Variants in SPOCK1 observed in about 807,000 individuals in gnomAD.
The protein encoded by SPOCK1 is testican-1.
In SPOCK1, 23 loss-of-function variants were observed where a neutral mutation model predicts 55.3. The observed-to-expected ratio is 0.42, with a 90% CI of 0.30 to 0.59. The LOEUF (loss-of-function observed/expected upper bound fraction) is 0.59, where lower values mean the gene tolerates loss of function less well. Among genes scored for constraint, SPOCK1 ranks in the 20% least tolerant of loss-of-function variants. SPOCK1 has a pLI of 0.22. For synonymous variants in SPOCK1, 226 were observed against 221.0 expected (o/e 1.02, Z -0.20); for missense variants, 499 against 552.5 (o/e 0.90, Z 0.97).
chr5:137,386,382 C>CA, intron 2 of SPOCK1, among the ~76,000 whole-genome samples: 1 of 152,158 alleles, frequency 6.6e-6, no homozygotes, highest in East Asian at 1.9e-4. Context: ...CTAAAGTTTA[C>CA]ATGAAGAGGC....
At chr5:137,063,254 AAAAG>A (rs1290484150) in intron 6 of SPOCK1, among the ~76,000 whole-genome samples, 1 of 151,546 alleles carries the variant, frequency 6.6e-6, no homozygotes, top group Non-Finnish European at 1.5e-5. Flanking sequence ...AAAAAAAAAA[AAAAG>A]AAAGAAATAT....
intron 5 of SPOCK1, among the ~76,000 whole-genome samples, chr5:137,068,047 C>T (rs1561597410): frequency 6.6e-6 from 1 of 152,062 alleles, no homozygotes; most frequent in Non-Finnish European, 1.5e-5. Context: ...ACTGTGGAAG[C>T]CCTAGAAGAC....
chr5:137,314,017 G>T (rs1337069650), intron 2 of SPOCK1, among the ~76,000 whole-genome samples: 1 of 150,868 alleles, frequency 6.6e-6, no homozygotes, highest in African/African-American at 2.4e-5. Flanking sequence ...TCCTCCCATC[G>T]TCCTCTCAGA....
At chr5:137,254,769 T>C (rs1200540696) in intron 3 of SPOCK1, among the ~76,000 whole-genome samples, 1 of 152,186 alleles carries the variant, frequency 6.6e-6, no homozygotes, top group Non-Finnish European at 1.5e-5. Flanking sequence ...TGGAGGAAGG[T>C]AACTATGCAG....
chr5:137,189,513 T>C (rs368220699), intron 3 of SPOCK1, among the ~76,000 whole-genome samples: 3 of 152,344 alleles, frequency 2.0e-5, no homozygotes, highest in East Asian at 3.9e-4. Flanking sequence ...TTACTATGTA[T>C]ATTAAACTCA....
At chr5:137,491,483 G>A (rs928009605) in intron 2 of SPOCK1, among the ~76,000 whole-genome samples, 3 of 152,072 alleles carry the variant, frequency 2.0e-5, no homozygotes, top group Non-Finnish European at 4.4e-5. Context: ...TTCTGGCCTG[G>A]GACAGTGCAC....
intron 2 of SPOCK1, among the ~76,000 whole-genome samples, chr5:137,358,390 AAAGGAAGG>A (rs143349157): frequency 0.03 from 3,515 of 116,418 alleles, 184 homozygotes; most frequent in African/African-American, 0.11. Flanking sequence ...TTCATGACGG[AAAGGAAGG>A]AAGGAAGGAA....
At chr5:137,199,802 C>T (rs1042592215) in intron 3 of SPOCK1, among the ~76,000 whole-genome samples, 23 of 152,204 alleles carry the variant, frequency 1.5e-4, no homozygotes, top group African/African-American at 5.3e-4. Flanking sequence ...TTTTACATGC[C>T]CAACCTGGGT....
chr5:137,002,558 C>A (rs984478354), intron 6 of SPOCK1, among the ~76,000 whole-genome samples: 4 of 152,052 alleles, frequency 2.6e-5, no homozygotes, highest in Non-Finnish European at 5.9e-5. Context: ...TGCTCCCTAG[C>A]CAGTGGGTCA....
intron 3 of SPOCK1, among the ~76,000 whole-genome samples, chr5:137,209,120 T>C (rs192076961): frequency 2.0e-5 from 3 of 152,318 alleles, no homozygotes; most frequent in Non-Finnish European, 4.4e-5. Flanking sequence ...CAAATGTTAT[T>C]TCCACCCTTC....
chr5:137,209,196 T>G (rs1487918557), intron 3 of SPOCK1, among the ~76,000 whole-genome samples: 1 of 152,224 alleles, frequency 6.6e-6, no homozygotes, highest in Admixed American at 6.5e-5. Flanking sequence ...AGCAACAATC[T>G]TTCTCCCTTT....
chr5:137,340,300 C>T (rs1218633675), intron 2 of SPOCK1, among the ~76,000 whole-genome samples: 1 of 152,144 alleles, frequency 6.6e-6, no homozygotes, highest in African/African-American at 2.4e-5. Flanking sequence ...CTACTGAGCC[C>T]TTCCTTCTGA....
At chr5:137,325,264 T>C (rs775604388) in intron 2 of SPOCK1, among the ~76,000 whole-genome samples, 1 of 152,214 alleles carries the variant, frequency 6.6e-6, no homozygotes, top group Non-Finnish European at 1.5e-5. Flanking sequence ...ATGTCCTTGA[T>C]ATTTAAAAAC....
intron 10 of SPOCK1, 77 bp downstream of exon 10, chr5:136,979,255 C>T: frequency 6.3e-7 from 1 of 1,584,076 alleles, no homozygotes; most frequent in African/African-American, 1.3e-5. Context: ...CAACATTCTT[C>T]TGCAGAGATC....
chr5:137,102,183 A>T (rs1561609775), intron 5 of SPOCK1, among the ~76,000 whole-genome samples: 1 of 152,170 alleles, frequency 6.6e-6, no homozygotes, highest in Non-Finnish European at 1.5e-5. Flanking sequence ...TTCATAGCGA[A>T]GGTTGGGATG....
chr5:137,438,393 C>G (rs955463789), intron 2 of SPOCK1, among the ~76,000 whole-genome samples: 1 of 152,072 alleles, frequency 6.6e-6, no homozygotes, highest in Non-Finnish European at 1.5e-5. Flanking sequence ...GACACCTTGC[C>G]TAATAGAAGG....
chr5:137,177,644 T>TC (rs1301875555), intron 3 of SPOCK1, among the ~76,000 whole-genome samples: 1 of 151,944 alleles, frequency 6.6e-6, no homozygotes, highest in Non-Finnish European at 1.5e-5. Context: ...AGTTTAAAAC[T>TC]CCCTTTAACA....
chr5:137,477,205 G>C (rs1465595227), intron 2 of SPOCK1, among the ~76,000 whole-genome samples: 1 of 152,126 alleles, frequency 6.6e-6, no homozygotes, highest in Non-Finnish European at 1.5e-5. Flanking sequence ...TAAAACGAAG[G>C]GGGCATATAC....
At chr5:137,141,838 G>T (rs951678307) in intron 3 of SPOCK1, among the ~76,000 whole-genome samples, 7 of 152,184 alleles carry the variant, frequency 4.6e-5, no homozygotes, top group African/African-American at 1.7e-4. Flanking sequence ...TGAGACAAGA[G>T]GGGGTGAGGG....
Sources: allele counts gnomAD v4.1 joint callset (sites outside exome capture counted in the v4.1 genomes callset), GRCh38; gene constraint gnomAD v4.1.1; transcripts MANE v1.5; gene names NCBI Gene and HGNC (gene_info 2026-07-23, HGNC 2026-07-21).